Variants in RTTN observed in about 807,000 individuals in gnomAD.
The protein encoded by RTTN is rotatin.
In RTTN, 182 loss-of-function variants were observed where a neutral mutation model predicts 269.2. That is an observed-to-expected ratio of 0.68 (90% CI 0.60 to 0.76). RTTN has a LOEUF of 0.76. Ranked by LOEUF, RTTN falls within the 30% of genes least tolerant of loss-of-function variation. The probability of loss-of-function intolerance (pLI) is 0.00; values close to 1 mark genes in which losing one functional copy is unlikely to be tolerated. For synonymous variants in RTTN, 1,006 were observed against 963.5 expected, an observed-to-expected ratio of 1.04 and a Z score of -0.82; for missense variants, 2,545 against 2,608.6, an observed-to-expected ratio of 0.98 and a Z score of 0.53.
chr18:70,169,485 C>A (rs2061081407), intron 11 of RTTN, among the ~76,000 whole-genome samples: 1 of 152,176 alleles, frequency 6.6e-6, no homozygotes, highest in South Asian at 2.1e-4. Context: ...TTCCCCATCC[C>A]ATAGCTGAAC....
intron 28 of RTTN, among the ~76,000 whole-genome samples, chr18:70,105,168 T>C (rs2059288412): frequency 6.6e-6 from 1 of 152,144 alleles, no homozygotes; most frequent in Admixed American, 6.5e-5. Flanking sequence ...TCCCGGCCGC[T>C]TTGATTACCT....
chr18:70,105,825 CAT>C (rs1285579251), intron 28 of RTTN, among the ~76,000 whole-genome samples: 2 of 151,780 alleles, frequency 1.3e-5, no homozygotes, highest in Non-Finnish European at 2.9e-5. Flanking sequence ...AACAATAAAA[CAT>C]ATTTTTATAA....
Position 70,110,877 on chromosome 18 carries a change from G to T in RTTN, c.3684-1160C>A, listed in dbSNP as rs114400165. 5.0e-3 allele frequency among the ~76,000 whole-genome samples: 759 copies of T among 152,334 alleles called. 5 individuals are homozygous for T. Among genetic ancestry groups the T allele is most frequent in the African/African-American group, 0.017 (720 of 41,584 alleles). On this transcript the variant is annotated intron_variant, in intron 27 of 48. Transcript: ENST00000640769. The stretch of plus-strand genomic sequence containing the variant: ...ACCTGGGACGCTAGAGCTTGGTGAG[G>T]GGACGGGCGTCCGCCATTGCCGAGG...
At chr18:70,158,694 G>A (rs1365331736) in intron 14 of RTTN, among the ~76,000 whole-genome samples, 26 of 152,196 alleles carry the variant, frequency 1.7e-4, no homozygotes, top group Non-Finnish European at 1.2e-4. Flanking sequence ...GCTGTCAAGA[G>A]ACCCAACTCA....
Position 70,086,461 on chromosome 18 carries a change from G to A in RTTN, c.4374+152C>T, listed in dbSNP as rs139089419. 535 of 670,990 alleles carry A rather than the reference G, an allele frequency of 8.0e-4. 4 individuals are homozygous for A. The East Asian group carries it at 0.013, about 16-fold the overall frequency. The allele number at this position is 670,990 out of a possible 1,614,324, so 41.6% of individuals were successfully genotyped here. Reference sequence around the variant, plus strand: ...TAGAGAAGAATTTTTAAGTCTGGTCGGCATAAGAACAAATTCTACGTTCTA... The same window carrying A: ...TAGAGAAGAATTTTTAAGTCTGGTCAGCATAAGAACAAATTCTACGTTCTA... On this transcript the variant is annotated intron_variant, in intron 32 of 48. Coordinates refer to ENST00000640769, the MANE Select transcript of RTTN (RefSeq NM_173630.4).
chr18:70,103,726 C>T (rs1309837399), intron 28 of RTTN, among the ~76,000 whole-genome samples: 2 of 144,344 alleles, frequency 1.4e-5, no homozygotes, highest in African/African-American at 5.2e-5. Context: ...ACATCCCCCT[C>T]TCCGAGAAAC....
At position 70,123,460 on chromosome 18, in the gene RTTN, A is replaced by G. The variant is rs144096874; in HGVS notation, c.3384-1760T>C. 8.4e-3 allele frequency among the ~76,000 whole-genome samples: 1,272 copies of G among 152,098 alleles called. 8 individuals are homozygous for G. Among genetic ancestry groups the G allele is most frequent in the Middle Eastern group, 0.051 (15 of 294 alleles). ...CCTCTTGTCTAACTGGAATTTTGTA[A>G]CCTCTCAGCAACGTCTCCCTTTTCC... On this transcript the variant is annotated intron_variant, in intron 25 of 48. Coordinates refer to ENST00000640769, the MANE Select transcript of RTTN (RefSeq NM_173630.4).
intron 27 of RTTN, among the ~76,000 whole-genome samples, chr18:70,111,941 G>C (rs2059478642): frequency 6.6e-6 from 1 of 152,088 alleles, no homozygotes; most frequent in Non-Finnish European, 1.5e-5. Flanking sequence ...AAGCCCATCA[G>C]ACTAACAGCA....
At chr18:70,078,606 T>C (rs1228357228) in intron 32 of RTTN, among the ~76,000 whole-genome samples, 2 of 151,942 alleles carry the variant, frequency 1.3e-5, no homozygotes, top group African/African-American at 4.8e-5. Flanking sequence ...CATGTATACA[T>C]ACATACAAAT....
intron 24 of RTTN, chr18:70,127,970 C>T: frequency 2.0e-6 from 1 of 511,756 alleles, no homozygotes; most frequent in Non-Finnish European, 3.5e-6. Context: ...AATTTTTATT[C>T]ACTTAAGACA....
At chr18:70,144,910 G>C (rs2060349988) in intron 18 of RTTN, among the ~76,000 whole-genome samples, 1 of 152,162 alleles carries the variant, frequency 6.6e-6, no homozygotes, top group Non-Finnish European at 1.5e-5. Context: ...CAAAACACAG[G>C]AATGAATCCA....
At position 70,139,631 on chromosome 18, in the gene RTTN, TGC is replaced by T; in HGVS notation, c.2754_2755del (p.Gln919ThrfsTer17). 1 of 1,612,706 alleles carries T rather than the reference TGC, an allele frequency of 6.2e-7. No homozygotes were observed. Among genetic ancestry groups the T allele is most frequent in the Non-Finnish European group, 8.5e-7 (1 of 1,178,860 alleles). On this transcript the variant is annotated frameshift_variant, in exon 21 of 49. Coordinates refer to ENST00000640769, the MANE Select transcript of RTTN (RefSeq NM_173630.4). LOFTEE classifies it high-confidence loss of function. ...TAACACGGTCAAAAGAGAAGACTGTTGCGAGAGCGAAACACGCATGACTGGAT... is the reference window on the plus strand; with the variant it reads ...TAACACGGTCAAAAGAGAAGACTGTTGAGAGCGAAACACGCATGACTGGAT...
At position 70,190,571 on chromosome 18, in the gene RTTN, T is replaced by C. The variant is rs2061646905; in HGVS notation, c.1156A>G (p.Ile386Val). The C allele has an allele frequency of 1.9e-6, 3 of 1,613,788 alleles. No individual in the cohort carries two copies. Among genetic ancestry groups the C allele is most frequent in the African/African-American group, 1.3e-5 (1 of 74,932 alleles). ...AAGAGAGGAACAGCTGATTCCAGAA[T>C]GGAGACACAAAACTGGGGAAGACTG... ...QLSLPQFCVS[I>V]LESAVPLLRT... is the part of the protein sequence containing the mutation. Residue 386 changes from isoleucine to valine, a missense_variant, in exon 9 of 49, where the codon ATT becomes GTT. Coordinates refer to ENST00000640769, the MANE Select transcript of RTTN (RefSeq NM_173630.4).
intron 40 of RTTN, among the ~76,000 whole-genome samples, chr18:70,041,823 C>T (rs927177427): frequency 5.3e-5 from 8 of 152,032 alleles, no homozygotes; most frequent in African/African-American, 1.9e-4. Context: ...TCGTCTCCTA[C>T]TTGGCTACAT....
intron 43 of RTTN, among the ~76,000 whole-genome samples, chr18:70,026,578 C>T (rs2056860235): frequency 6.6e-6 from 1 of 152,174 alleles, no homozygotes; most frequent in Admixed American, 6.5e-5. Context: ...CCCTGCAGAA[C>T]TGTGAGCCAA....
At chr18:70,190,260 C>T (rs979651589) in intron 9 of RTTN, among the ~76,000 whole-genome samples, 2 of 149,438 alleles carry the variant, frequency 1.3e-5, no homozygotes, top group African/African-American at 4.9e-5. Flanking sequence ...AGAATAAATG[C>T]AAAAAATAGA....
At position 70,057,776 on chromosome 18, in the gene RTTN, G is replaced by A; in HGVS notation, c.4997C>T (p.Pro1666Leu). ...TCVQELRALL[P>L]SSPPAEHTQA... Reference sequence around the variant, plus strand: ...AGTGTGTTCAGCTGGAGGTGATGAAGGCAGCAGGGCTCTGAGTTCCTGGAC... The same window carrying A: ...AGTGTGTTCAGCTGGAGGTGATGAAAGCAGCAGGGCTCTGAGTTCCTGGAC... The change falls in exon 37 of 49, where the codon CCT becomes CTT. Residue 1666 changes from proline (P) to leucine (L), a missense_variant. Pro to Leu is a moderately conservative substitution (Grantham distance 98, BLOSUM62 -3). Transcript: ENST00000640769. 1.9e-6 allele frequency: 3 copies of A among 1,613,840 alleles called. No homozygotes were observed. Among genetic ancestry groups the A allele is most frequent in the Non-Finnish European group, 2.5e-6 (3 of 1,179,810 alleles).
intron 40 of RTTN, among the ~76,000 whole-genome samples, chr18:70,037,964 G>A (rs954979634): frequency 1.3e-5 from 2 of 152,332 alleles, no homozygotes; most frequent in African/African-American, 2.4e-5. Flanking sequence ...AACATTGGCA[G>A]CAGCGTGGTA....
chr18:70,020,126 G>A (rs891353217), intron 45 of RTTN, among the ~76,000 whole-genome samples: 1 of 152,132 alleles, frequency 6.6e-6, no homozygotes, highest in Non-Finnish European at 1.5e-5. Context: ...TCAGTGATGA[G>A]AAGTCTAGAT....
Sources: gnomAD v4.1 joint callset for allele counts (sites outside exome capture counted in the v4.1 genomes callset) on GRCh38, gnomAD v4.1.1 for gene constraint, MANE v1.5 for transcripts, NCBI Gene and HGNC (gene_info 2026-07-23, HGNC 2026-07-21) for gene names.